VAC14: variants seen among roughly 807,000 people sequenced by gnomAD.
VAC14 encodes the protein protein VAC14 homolog.
A neutral mutation model predicts 85.3 loss-of-function variants in VAC14; 47 were observed. The observed-to-expected ratio is 0.55, with a 90% CI of 0.44 to 0.70. The LOEUF is 0.70. VAC14 is among the 30% of genes least tolerant of loss of function. VAC14 has a pLI of 0.00. For synonymous variants in VAC14, 447 were observed against 430.5 expected (o/e 1.04, Z -0.47); for missense variants, 861 against 1,004.3 (o/e 0.86, Z 1.93).
chr16:70,691,021 C>T (rs1186545412), intron 18 of VAC14: 7 of 985,362 alleles, frequency 7.1e-6, no homozygotes, highest in Non-Finnish European at 8.4e-6. Flanking sequence ...ACACCAGATC[C>T]TACTCTAGGC....
chr16:70,727,886 TGGCAGAGTG>T (rs1286057409), intron 14 of VAC14, among the ~76,000 whole-genome samples: 2 of 152,212 alleles, frequency 1.3e-5, no homozygotes, highest in African/African-American at 2.4e-5. Context: ...CTTGGTGTGC[TGGCAGAGTG>T]GGCAGCAGGT....
intron 8 of VAC14, 95 bp from the exon 9 acceptor site, chr16:70,781,034 C>T: frequency 3.2e-6 from 5 of 1,548,310 alleles, no homozygotes; most frequent in Non-Finnish European, 4.4e-6. Context: ...GAGGTGGGGC[C>T]TGGTGGGAGG....
At chr16:70,782,355 C>T (rs1437857433) in intron 7 of VAC14, among the ~76,000 whole-genome samples, 1 of 152,232 alleles carries the variant, frequency 6.6e-6, no homozygotes. Flanking sequence ...GATGATGTGG[C>T]TGGATCAAGC....
At chr16:70,750,902 G>GA (rs1020956404) in intron 12 of VAC14, among the ~76,000 whole-genome samples, 2 of 152,148 alleles carry the variant, frequency 1.3e-5, no homozygotes, top group African/African-American at 4.8e-5. Context: ...AACAGCTGGG[G>GA]ACTGGACACC....
intron 14 of VAC14, among the ~76,000 whole-genome samples, chr16:70,707,293 T>C (rs2053938893): frequency 6.6e-6 from 1 of 152,264 alleles, no homozygotes. Context: ...AAATTCATCG[T>C]TGTTTAATGC....
chr16:70,732,936 A>G lies in VAC14; in HGVS notation c.1529-1309T>C, dbSNP rs1466526317. Among the ~76,000 whole-genome samples, 3 of 152,180 alleles carry G rather than the reference A, an allele frequency of 2.0e-5. 1 individual carries two copies. Among genetic ancestry groups the G allele is most frequent in the African/African-American group, 7.2e-5 (3 of 41,446 alleles). ...AGTGCTGGGATTACAGGTGTGAGCC[A>G]CCACACCCGGCCCAAGGCAGGACAT... is the stretch of plus-strand genomic sequence containing the variant. On this transcript the variant is annotated intron_variant, in intron 13 of 18. Coordinates refer to ENST00000261776, the MANE Select transcript of VAC14 (RefSeq NM_018052.5).
At chr16:70,704,793 C>T (rs192446465) in intron 14 of VAC14, among the ~76,000 whole-genome samples, 21 of 152,322 alleles carry the variant, frequency 1.4e-4, no homozygotes, top group Admixed American at 9.8e-4. Flanking sequence ...AGCAGAGCCC[C>T]GTGCTGCAGG....
intron 14 of VAC14, among the ~76,000 whole-genome samples, chr16:70,706,534 C>T (rs1032107246): frequency 5.9e-5 from 9 of 152,194 alleles, no homozygotes; most frequent in African/African-American, 9.7e-5. Context: ...TTTTTTGAGA[C>T]GGAATCTTGC....
In VAC14 at chr16:70,783,131, A is replaced by G. The variant is rs1158318139; in HGVS notation, c.713T>C (p.Val238Ala). The change falls in exon 7 of 19, where the codon GTT (valine) becomes GCT (alanine). Residue 238 changes from valine (V) to alanine (A), a missense_variant. This residue lies in a region of VAC14 where 629 missense variants were observed against 703.1 expected (regional missense o/e 0.89). Coordinates refer to ENST00000261776, the MANE Select transcript of VAC14 (RefSeq NM_018052.5). The stretch of plus-strand genomic sequence containing the variant: ...TTCTTTTAAGAATTCTCCAAGAACA[A>G]CCTCACACCTATGAACAAGAACAGG... ...NGKEIRKMCE[V>A]VLGEFLKEIK... 6.2e-7 allele frequency: 1 copy of G among 1,613,760 alleles called. No homozygotes were observed. The highest frequency in any genetic ancestry group is 8.5e-7 in the Non-Finnish European group (1 of 1,179,942).
intron 3 of VAC14, among the ~76,000 whole-genome samples, chr16:70,785,311 G>A (rs1486205091): frequency 6.6e-6 from 1 of 152,254 alleles, no homozygotes; most frequent in Non-Finnish European, 1.5e-5. Context: ...AAGAGGCACG[G>A]AGGAGAGCAT....
chr16:70,755,869 G>C (rs1010531349), intron 12 of VAC14: 1 of 377,718 alleles, frequency 2.6e-6, no homozygotes, highest in Non-Finnish European at 5.3e-6. Context: ...GGGGACGGGA[G>C]AGAGCAGCCC....
rs1313340185 is a variant in VAC14, at chr16:70,697,264, G to A, written c.1837-7C>T. The A allele has an allele frequency of 8.7e-6, 14 of 1,611,542 alleles. No individual in the cohort carries two copies. The highest frequency in any genetic ancestry group is 1.2e-5 in the Non-Finnish European group (14 of 1,178,170). On this transcript the variant is annotated splice_region_variant and splice_polypyrimidine_tract_variant and intron_variant, in intron 15 of 18. Coordinates refer to ENST00000261776, the MANE Select transcript of VAC14 (RefSeq NM_018052.5). ...AGAACAGGTTCTGGCTCTCCTGTGG[G>A]GGAACAGGCATGAGCCGTGAGGACA...
chr16:70,786,167 G>A, intron 2 of VAC14, 48 bp downstream of exon 2: 1 of 1,596,182 alleles, frequency 6.3e-7, no homozygotes, highest in Non-Finnish European at 8.5e-7. Context: ...GGCTTGGTCA[G>A]CGTCAAGGCC....
chr16:70,780,677 G>T, intron 9 of VAC14, 113 bp downstream of exon 9: 1 of 1,323,736 alleles, frequency 7.6e-7, no homozygotes, highest in Non-Finnish European at 1.0e-6. Context: ...TTGTGTGAGT[G>T]ACATACATAA....
rs2034029374 is a variant in VAC14 at position 70,785,854 on chromosome 16, G to A, written c.271C>T (p.Leu91=). The A allele has an allele frequency of 6.2e-7, 1 of 1,604,978 alleles. No homozygotes were observed. Among genetic ancestry groups the A allele is most frequent in the South Asian group, 1.1e-5 (1 of 89,582 alleles). The change falls in exon 3 of 19, where the codon CTG becomes TTG. Residue 91 remains leucine, a synonymous_variant. Coordinates refer to ENST00000261776, the MANE Select transcript of VAC14 (RefSeq NM_018052.5). ...AGCACTGGCTCGATCAGCTCCTTCA[G>A]GTAGAGCCCTGAGTCCTGCAAGGAG... ...IALGKDSGLY[L]KELIEPVLTC...
chr16:70,781,690 A>G (rs954908833), intron 8 of VAC14, among the ~76,000 whole-genome samples, 179 bp downstream of exon 8: 5 of 152,144 alleles, frequency 3.3e-5, no homozygotes, highest in African/African-American at 1.2e-4. Context: ...AGCCAGCATC[A>G]GCCCCGGGTC....
chr16:70,740,299 G>A (rs1224200707), intron 13 of VAC14, among the ~76,000 whole-genome samples: 1 of 152,224 alleles, frequency 6.6e-6, no homozygotes, highest in Non-Finnish European at 1.5e-5. Context: ...GGGCCCCGTG[G>A]CAGGCAAAGT....
intron 5 of VAC14, 80 bp from the exon 6 acceptor site, chr16:70,783,634 G>A (rs1054694488): frequency 1.0e-4 from 142 of 1,395,598 alleles, no homozygotes; most frequent in Middle Eastern, 1.8e-4. Flanking sequence ...GGACTGGGCT[G>A]TAGGAAGGGG....
chr16:70,754,440 G>A (rs2031659975), intron 12 of VAC14, among the ~76,000 whole-genome samples: 1 of 152,220 alleles, frequency 6.6e-6, no homozygotes, highest in African/African-American at 2.4e-5. Context: ...TCCCCGAGGA[G>A]GAAGGCTCAG....
Sources: gnomAD v4.1 joint callset for allele counts (sites outside exome capture counted in the v4.1 genomes callset) on GRCh38, gnomAD v4.1.1 for gene constraint, gnomAD v4.1.1 regional missense constraint, MANE v1.5 for transcripts, NCBI Gene and HGNC (gene_info 2026-07-23, HGNC 2026-07-21) for gene names.